The following WAS variants were observed in gnomAD, a reference collection of about 807,000 sequenced individuals.
The protein encoded by WAS is actin nucleation-promoting factor WAS.
A neutral mutation model predicts 38.9 loss-of-function variants in WAS; 1 was observed. The ratio of observed to expected loss-of-function variants is 0.03; its 90% CI spans 0.01 to 0.12. The LOEUF is 0.12. Ranked by LOEUF, WAS falls within the 10% of genes least tolerant of loss-of-function variation. WAS has a pLI of 1.00. For missense variants in WAS, 311 were observed against 431.2 expected, an observed-to-expected ratio of 0.72 and a Z score of 2.47; for synonymous variants, 182 against 173.6, an observed-to-expected ratio of 1.05 and a Z score of -0.38.
intron 11 of WAS, among the ~76,000 whole-genome samples, chrX:48,690,026 A>C: frequency 9.0e-6 from 1 of 110,997 alleles, no homozygotes; most frequent in Admixed American, 9.6e-5. Flanking sequence ...CCATTATGTG[A>C]TGACAATATT....
At chrX:48,679,717 G>A (rs782353085), upstream of WAS, among the ~76,000 whole-genome samples, 9 of 112,180 alleles carry the variant, frequency 8.0e-5, no homozygotes, top group South Asian at 2.2e-3. Context: ...CCAGGAGGTC[G>A]AGGCTGTATT....
Position 48,691,228 on chromosome X carries a change from G to C in WAS, c.*66G>C. ...ACATGGCTCCCCCTCCACCTGCTCTGTGCCCACCCTCCACTCTCCTCTTCC... is the reference window on the plus strand; with the variant it reads ...ACATGGCTCCCCCTCCACCTGCTCTCTGCCCACCCTCCACTCTCCTCTTCC... On this transcript the variant is annotated 3_prime_UTR_variant, in exon 12 of 12. Coordinates refer to ENST00000376701, the MANE Select transcript of WAS (RefSeq NM_000377.3). 1.9e-6 allele frequency: 2 copies of C among 1,080,547 alleles called. No homozygotes were observed. The highest frequency in any genetic ancestry group is 2.6e-6 in the Non-Finnish European group (2 of 779,960). 89.0% of individuals were successfully genotyped at this position (1,080,547 alleles called of 1,213,427 possible).
At chrX:48,685,376 C>T (rs1557006446) in intron 2 of WAS, among the ~76,000 whole-genome samples, 171 bp from the exon 3 acceptor site, 2 of 111,602 alleles carry the variant, frequency 1.8e-5, no homozygotes. Context: ...CCAGACTATA[C>T]CCCACAATCC....
chrX:48,688,633 C>A (rs368635575), intron 9 of WAS, 27 bp from the exon 10 acceptor site: 1 of 1,209,773 alleles, frequency 8.3e-7, no homozygotes, highest in Non-Finnish European at 1.1e-6. Context: ...ATGAGAGTTA[C>A]AGCTATGTGT....
intron 11 of WAS, 40 bp from the exon 12 acceptor site, chrX:48,691,066 AC>A: frequency 8.4e-7 from 1 of 1,191,871 alleles, no homozygotes. Flanking sequence ...GAAGCCCCCC[AC>A]CAACCTCCCA....
intron 6 of WAS, among the ~76,000 whole-genome samples, chrX:48,686,461 C>A (rs2062420276): frequency 8.9e-6 from 1 of 112,137 alleles, no homozygotes. Flanking sequence ...GAATAAATGA[C>A]TAAATGACAA....
At chrX:48,682,103 G>A (rs782515058), upstream of WAS, among the ~76,000 whole-genome samples, 248 of 112,070 alleles carry the variant, frequency 2.2e-3, 3 homozygotes, top group African/African-American at 7.5e-3. Flanking sequence ...AGAAGTTAGA[G>A]ACATGCAAAC....
At chrX:48,678,647 T>C (rs1313192400) in intron 1 of WAS, among the ~76,000 whole-genome samples, 2 of 110,776 alleles carry the variant, frequency 1.8e-5, no homozygotes, top group African/African-American at 6.6e-5. Flanking sequence ...TTAGACCAAC[T>C]CTCCTGCTGA....
chrX:48,691,054 A>G (rs2062438164), intron 11 of WAS, 53 bp from the exon 12 acceptor site: 2 of 1,150,083 alleles, frequency 1.7e-6, no homozygotes, highest in Non-Finnish European at 2.4e-6. Context: ...CCCAGGCCCT[A>G]TGAAGCCCCC....
intron 2 of WAS, 128 bp downstream of exon 2, chrX:48,684,551 A>C: frequency 1.1e-6 from 1 of 901,902 alleles, no homozygotes; most frequent in Non-Finnish European, 1.5e-6. Flanking sequence ...CCCAGAACCA[A>C]AGACTCATCC....
At chrX:48,690,765 A>G (rs1427285840) in intron 11 of WAS, among the ~76,000 whole-genome samples, 2 of 111,156 alleles carry the variant, frequency 1.8e-5, no homozygotes, top group Non-Finnish European at 3.8e-5. Context: ...CATTAACCCC[A>G]TTATGTGTCA....
At chrX:48,688,575 G>A in intron 9 of WAS, 85 bp from the exon 10 acceptor site, 1 of 1,194,027 alleles carries the variant, frequency 8.4e-7, no homozygotes, top group Non-Finnish European at 1.1e-6. Context: ...TTGGTCAGTG[G>A]GGGTACCCAT....
In WAS at chrX:48,688,894, G is replaced by T; in HGVS notation, c.1166G>T (p.Gly389Val). The change falls in exon 10 of 12, where the codon GGT becomes GTT. Residue 389 changes from glycine (G) to valine (V), a missense_variant. Coordinates refer to ENST00000376701, the MANE Select transcript of WAS (RefSeq NM_000377.3). ...GPLPPPPPGAGGPPMPPPPPP... is the reference protein window; with the variant it reads ...GPLPPPPPGAVGPPMPPPPPP... Reference sequence around the variant, plus strand: ...CTGCCCCCTCCACCCCCTGGAGCTGGTGGGCCACCCATGCCACCACCACCG... The same window carrying T: ...CTGCCCCCTCCACCCCCTGGAGCTGTTGGGCCACCCATGCCACCACCACCG... 1 of 1,167,251 alleles carries T rather than the reference G, an allele frequency of 8.6e-7. No homozygotes were observed. Among genetic ancestry groups the T allele is most frequent in the Non-Finnish European group, 1.1e-6 (1 of 873,056 alleles).
chrX:48,678,385 C>T (rs1384526660), intron 1 of WAS, among the ~76,000 whole-genome samples: 3 of 111,427 alleles, frequency 2.7e-5, no homozygotes, highest in African/African-American at 9.8e-5. Flanking sequence ...AGTGGTGGCC[C>T]AGGTGTGGAA....
In WAS at chrX:48,688,113, T is replaced by C; in HGVS notation, c.777+17T>C. On this transcript the variant is annotated intron_variant, in intron 8 of 11. Coordinates refer to ENST00000376701, the MANE Select transcript of WAS (RefSeq NM_000377.3). Reference sequence around the variant, plus strand: ...GGATTTGACGTGAGTAACTTCAGAGTCTCTTGGACTCCACTAAACTTCCAC... The same window carrying C: ...GGATTTGACGTGAGTAACTTCAGAGCCTCTTGGACTCCACTAAACTTCCAC... 3.3e-6 allele frequency: 4 copies of C among 1,197,028 alleles called. No homozygotes were observed. Among genetic ancestry groups the C allele is most frequent in the Non-Finnish European group, 4.5e-6 (4 of 887,425 alleles).
intron 1 of WAS, among the ~76,000 whole-genome samples, chrX:48,677,951 A>G (rs2062394353): frequency 8.9e-6 from 1 of 111,851 alleles, no homozygotes; most frequent in Non-Finnish European, 1.9e-5. Flanking sequence ...GGGATACCGC[A>G]CTGAACCAGA....
Position 48,688,292 on chromosome X carries a change from C to T in WAS, c.778-8C>T, listed in dbSNP as rs1388501160. ...ACTCCTGCCCCTGGCCTTTTTCCTCCTGGGCAGGTGAACAACCTCGACCCA... is the reference window on the plus strand; with the variant it reads ...ACTCCTGCCCCTGGCCTTTTTCCTCTTGGGCAGGTGAACAACCTCGACCCA... On this transcript the variant is annotated splice_polypyrimidine_tract_variant and splice_region_variant and intron_variant, in intron 8 of 11. Transcript: ENST00000376701. The T allele has an allele frequency of 1.0e-5, 12 of 1,197,914 alleles. No individual in the cohort carries two copies. Among genetic ancestry groups the T allele is most frequent in the Non-Finnish European group, 1.4e-5 (12 of 888,583 alleles).
At chrX:48,686,710 C>A in intron 6 of WAS, 71 bp from the exon 7 acceptor site, 3 of 1,160,893 alleles carry the variant, frequency 2.6e-6, no homozygotes, top group Non-Finnish European at 3.5e-6. Context: ...TCAAGGCTTC[C>A]GTTTCTTGCC....
chrX:48,688,988 G>A lies in WAS; in HGVS notation c.1260G>A (p.Val420=), dbSNP rs1557007308. 1.7e-6 allele frequency: 2 copies of A among 1,195,561 alleles called. No homozygotes were observed. The highest frequency in any genetic ancestry group is 1.8e-5 in the South Asian group (1 of 54,706). The change falls in exon 10 of 12, where the codon GTG becomes GTA. Residue 420 remains valine, a synonymous_variant. Transcript: ENST00000376701. The stretch of plus-strand genomic sequence containing the variant: ...CTCCCCCACTCCCTCCTGCTCTGGT[G>A]CCTGCCGGGGGCCTGGCCCCTGGTG... ...PAPPPLPPAL[V]PAGGLAPGGG... is the part of the protein sequence containing the mutation.
Sources: allele counts gnomAD v4.1 joint callset (sites outside exome capture counted in the v4.1 genomes callset), GRCh38; gene constraint gnomAD v4.1.1; transcripts MANE v1.5; gene names NCBI Gene and HGNC (gene_info 2026-07-23, HGNC 2026-07-21).